SETBP1: variants seen among roughly 807,000 people sequenced by gnomAD.
SETBP1 encodes SET binding protein 1, also known as SET-binding protein.
Under a neutral mutation model 101.0 loss-of-function variants are expected in SETBP1, and 9 were observed. That is an observed-to-expected ratio of 0.09 (90% CI 0.05 to 0.16). The LOEUF (loss-of-function observed/expected upper bound fraction) is 0.16. Ranked by LOEUF, SETBP1 falls within the 10% of genes least tolerant of loss-of-function variation. The probability of loss-of-function intolerance (pLI) is 1.00; values close to 1 mark genes in which losing one functional copy is unlikely to be tolerated. For synonymous variants in SETBP1, 818 were observed against 788.5 expected (o/e 1.04, Z -0.63); for missense variants, 1,858 against 2,033.8 (o/e 0.91, Z 1.66).
chr18:44,873,244 G>T (rs2069319684), intron 3 of SETBP1, among the ~76,000 whole-genome samples: 1 of 152,250 alleles, frequency 6.6e-6, no homozygotes, highest in South Asian at 2.1e-4. Flanking sequence ...TGACAATTCT[G>T]AAATGTTCTG....
rs754129275 is a variant in SETBP1, at chr18:44,959,518, A to G, written c.4000+6178A>G. ...TTGCAATCCCAGAAAGAAATCAAAGATGAGTAACTCAATGTTTTTGCCTTC... is the reference window on the plus strand; with the variant it reads ...TTGCAATCCCAGAAAGAAATCAAAGGTGAGTAACTCAATGTTTTTGCCTTC... On this transcript the variant is annotated intron_variant, in intron 4 of 5. Transcript: ENST00000649279. 2.0e-5 allele frequency among the ~76,000 whole-genome samples: 3 copies of G among 152,222 alleles called. No individual in the cohort carries two copies. In the South Asian group the frequency reaches 6.2e-4, roughly 31 times the overall value.
chr18:44,985,927 G>A (rs954394651), intron 4 of SETBP1, among the ~76,000 whole-genome samples: 2 of 152,196 alleles, frequency 1.3e-5, no homozygotes, highest in Non-Finnish European at 2.9e-5. Context: ...TACTCCACTA[G>A]AGTCTTGTTC....
chr18:44,992,725 A>C (rs1291951895), intron 4 of SETBP1, among the ~76,000 whole-genome samples: 1 of 152,046 alleles, frequency 6.6e-6, no homozygotes, highest in Non-Finnish European at 1.5e-5. Context: ...AAATCGTTTA[A>C]ATAAAAATGG....
intron 3 of SETBP1, 88 bp downstream of exon 3, chr18:44,869,371 GA>G (rs2069216315): frequency 2.4e-6 from 3 of 1,230,524 alleles, no homozygotes; most frequent in Non-Finnish European, 3.6e-6. Flanking sequence ...GGCCAGGACA[GA>G]AACCCGAACC....
chr18:44,998,205 C>T (rs1253285187), intron 4 of SETBP1, among the ~76,000 whole-genome samples: 3 of 152,188 alleles, frequency 2.0e-5, no homozygotes, highest in Non-Finnish European at 4.4e-5. Flanking sequence ...GCAGAGAGGA[C>T]AACATGGAAT....
rs556479191 is a variant in SETBP1, at chr18:44,827,729, G to A, written c.487-41501G>A. Among the ~76,000 whole-genome samples the A allele has an allele frequency of 3.8e-4, 58 of 152,242 alleles. 1 individual carries two copies. Among genetic ancestry groups the A allele is most frequent in the African/African-American group, 1.3e-3 (56 of 41,532 alleles). ...AACTGCATACTTTATAGAAACATTA[G>A]GCGATCAAAGCATTATAGTCAAAAT... On this transcript the variant is annotated intron_variant, in intron 2 of 5. Transcript: ENST00000649279.
intron 2 of SETBP1, among the ~76,000 whole-genome samples, chr18:44,706,282 C>A (rs1328826599): frequency 1.3e-5 from 2 of 152,054 alleles, no homozygotes; most frequent in Non-Finnish European, 2.9e-5. Context: ...GAAGATGAGT[C>A]TCTGGAAGAA....
At chr18:44,721,694 A>C (rs1318589449) in intron 2 of SETBP1, among the ~76,000 whole-genome samples, 1 of 152,180 alleles carries the variant, frequency 6.6e-6, no homozygotes, top group Non-Finnish European at 1.5e-5. Context: ...ACCCGCTTTA[A>C]ATATGACCCA....
intron 2 of SETBP1, among the ~76,000 whole-genome samples, chr18:44,817,974 T>C (rs1691668224): frequency 6.6e-6 from 1 of 152,204 alleles, no homozygotes; most frequent in Non-Finnish European, 1.5e-5. Flanking sequence ...GACTTACGTG[T>C]TTTGCTATAT....
chr18:44,920,040 T>G (rs528671221), intron 3 of SETBP1, among the ~76,000 whole-genome samples: 2 of 152,340 alleles, frequency 1.3e-5, no homozygotes, highest in African/African-American at 2.4e-5. Context: ...TACTTCAGAC[T>G]GGGTAATTTA....
intron 3 of SETBP1, among the ~76,000 whole-genome samples, chr18:44,900,700 A>G (rs1440528546): frequency 1.3e-5 from 2 of 152,178 alleles, no homozygotes; most frequent in African/African-American, 2.4e-5. Flanking sequence ...CTCAGGCTGT[A>G]CTGATTACTC....
intron 2 of SETBP1, among the ~76,000 whole-genome samples, chr18:44,838,829 C>G (rs1406402013): frequency 1.4e-5 from 2 of 146,834 alleles, no homozygotes; most frequent in Non-Finnish European, 3.0e-5. Context: ...GAATGACCCC[C>G]TCAGCCCCAC....
At chr18:44,933,285 A>T (rs1172645046) in intron 3 of SETBP1, among the ~76,000 whole-genome samples, 2 of 152,188 alleles carry the variant, frequency 1.3e-5, no homozygotes, top group African/African-American at 4.8e-5. Context: ...ACAACGGCAG[A>T]TGTTGCTGCC....
intron 2 of SETBP1, among the ~76,000 whole-genome samples, chr18:44,868,067 A>T (rs8094885): frequency 3.0e-3 from 451 of 152,328 alleles, no homozygotes; most frequent in African/African-American, 0.01. Flanking sequence ...TATTATAAGA[A>T]TGTGATTATT....
intron 4 of SETBP1, among the ~76,000 whole-genome samples, chr18:45,035,704 A>G (rs2073382405): frequency 6.6e-6 from 1 of 152,250 alleles, no homozygotes; most frequent in Admixed American, 6.5e-5. Flanking sequence ...GTCCACAGGT[A>G]TAAAGATGAC....
intron 4 of SETBP1, among the ~76,000 whole-genome samples, chr18:45,013,577 C>T (rs898231444): frequency 3.9e-5 from 6 of 152,114 alleles, no homozygotes; most frequent in African/African-American, 1.4e-4. Flanking sequence ...GTAGCTGGGA[C>T]TACAGGTGCC....
At chr18:44,905,435 A>G (rs2070151168) in intron 3 of SETBP1, among the ~76,000 whole-genome samples, 1 of 152,240 alleles carries the variant, frequency 6.6e-6, no homozygotes, top group Admixed American at 6.5e-5. Flanking sequence ...TACTTTATAC[A>G]CAGCTCCTAG....
In SETBP1 at chr18:45,067,585, T is replaced by C. The variant is rs1315006152; in HGVS notation, c.*3887T>C. 2 of 152,232 alleles carry C rather than the reference T, an allele frequency of 1.3e-5. No homozygotes were observed. Among genetic ancestry groups the C allele is most frequent in the Admixed American group, 1.3e-4 (2 of 15,282 alleles). The allele number at this position is 152,232 out of a possible 1,614,324, so 9.4% of individuals were successfully genotyped here. On this transcript the variant is annotated 3_prime_UTR_variant, in exon 6 of 6. Coordinates refer to ENST00000649279, the MANE Select transcript of SETBP1 (RefSeq NM_015559.3). ...CGTTATTCTCAACACTACCCTATAG[T>C]ATCACAGTGGTCCAAATGCCAGAGC...
In SETBP1 at chr18:44,841,960, C is replaced by T. The variant is rs572413289; in HGVS notation, c.487-27270C>T. Among the ~76,000 whole-genome samples, 6 of 152,322 alleles carry T rather than the reference C, an allele frequency of 3.9e-5. No homozygotes were observed. The East Asian group carries it at 7.7e-4, about 20-fold the overall frequency. ...TCATTTGTACTTATGACAGCTTGGGCGTGATTTAGTGCGACCTCACTTTGA... is the reference window on the plus strand; with the variant it reads ...TCATTTGTACTTATGACAGCTTGGGTGTGATTTAGTGCGACCTCACTTTGA... On this transcript the variant is annotated intron_variant, in intron 2 of 5. Coordinates refer to ENST00000649279, the MANE Select transcript of SETBP1 (RefSeq NM_015559.3).
Sources: gnomAD v4.1 joint callset for allele counts (sites outside exome capture counted in the v4.1 genomes callset) on GRCh38, gnomAD v4.1.1 for gene constraint, MANE v1.5 for transcripts, NCBI Gene and HGNC (gene_info 2026-07-23, HGNC 2026-07-21) for gene names.